Variants in EXOC6 observed in about 807,000 individuals in gnomAD.
EXOC6 encodes the protein SEC15-like 1.
EXOC6 carries 60 observed loss-of-function variants against 112.5 expected under a neutral mutation model. The observed-to-expected ratio is 0.53, with a 90% CI of 0.43 to 0.66. EXOC6 has a LOEUF of 0.66. Ranked by LOEUF, EXOC6 falls within the 30% of genes least tolerant of loss-of-function variation. The pLI, the probability that EXOC6 is intolerant of heterozygous loss-of-function variation, is 0.00. For missense variants in EXOC6, 855 were observed against 957.1 expected (o/e 0.89, Z 1.41); for synonymous variants, 295 against 308.0 (o/e 0.96, Z 0.44).
At chr10:92,868,804 C>T (rs1848302465) in intron 1 of EXOC6, among the ~76,000 whole-genome samples, 1 of 150,464 alleles carries the variant, frequency 6.6e-6, no homozygotes, top group South Asian at 2.1e-4. Flanking sequence ...TTCTTTCCTC[C>T]CTCCCTCCCT....
chr10:92,934,653 A>T (rs1224289369), intron 11 of EXOC6, among the ~76,000 whole-genome samples: 1 of 152,148 alleles, frequency 6.6e-6, no homozygotes, highest in East Asian at 1.9e-4. Context: ...CATTATAGAA[A>T]ATGAAGAATT....
At chr10:92,846,823 G>T (rs1413942189), upstream of EXOC6, among the ~76,000 whole-genome samples, 1 of 152,186 alleles carries the variant, frequency 6.6e-6, no homozygotes, top group East Asian at 1.9e-4. Context: ...TGTGATTAAG[G>T]TTAAGGACCC....
chr10:92,873,154 A>C (rs1848529012), intron 1 of EXOC6, among the ~76,000 whole-genome samples: 1 of 152,218 alleles, frequency 6.6e-6, no homozygotes, highest in Non-Finnish European at 1.5e-5. Flanking sequence ...CCAAATGCCC[A>C]AAAGTCAACA....
chr10:92,964,352 T>C (rs1266111362), intron 17 of EXOC6, among the ~76,000 whole-genome samples: 3 of 152,092 alleles, frequency 2.0e-5, no homozygotes, highest in Non-Finnish European at 1.5e-5. Context: ...ATTTGCTTTT[T>C]CCCTTCTGCA....
intron 9 of EXOC6, 136 bp from the exon 10 acceptor site, chr10:92,934,008 C>T (rs1227072861): frequency 3.8e-6 from 2 of 526,982 alleles, no homozygotes; most frequent in Non-Finnish European, 6.7e-6. Context: ...CAGATATATC[C>T]CTGGTACCTA....
rs1019060544 is a variant in EXOC6, at chr10:92,940,812, C to G, written c.1298C>G (p.Ala433Gly). The G allele has an allele frequency of 9.3e-6, 15 of 1,606,224 alleles. No homozygotes were observed. Among genetic ancestry groups the G allele is most frequent in the Non-Finnish European group, 1.1e-5 (13 of 1,176,406 alleles). ...QYNETLLKKW[A>G]GVFRDIFEED... ...AATGAAACACTGCTTAAGAAATGGGCTGGAGTTTTCAGGTTAGTCTAAGTC... is the reference window on the plus strand; with the variant it reads ...AATGAAACACTGCTTAAGAAATGGGGTGGAGTTTTCAGGTTAGTCTAAGTC... The change falls in exon 13 of 22, where the codon GCT becomes GGT. Residue 433 changes from alanine to glycine, a missense_variant. Physicochemically the swap from Ala to Gly is moderately conservative, Grantham distance 60. Coordinates refer to ENST00000260762, the MANE Select transcript of EXOC6 (RefSeq NM_019053.6).
chr10:92,847,466 A>G (rs138362475), upstream of EXOC6, among the ~76,000 whole-genome samples: 1 of 152,298 alleles, frequency 6.6e-6, no homozygotes, highest in East Asian at 1.9e-4. Flanking sequence ...AAAGCTCACT[A>G]AGGGTGAGTG....
intron 1 of EXOC6, among the ~76,000 whole-genome samples, chr10:92,835,151 G>A (rs1846624395): frequency 6.6e-6 from 1 of 152,116 alleles, no homozygotes; most frequent in Admixed American, 6.5e-5. Context: ...AAAACATTCA[G>A]AACAATTAGA....
intron 5 of EXOC6, among the ~76,000 whole-genome samples, chr10:92,904,479 G>A (rs1241636500): frequency 1.3e-5 from 2 of 151,870 alleles, no homozygotes; most frequent in Non-Finnish European, 2.9e-5. Context: ...TCATTTTTTC[G>A]GATTTTGCCT....
intron 18 of EXOC6, 65 bp from the exon 19 acceptor site, chr10:92,997,409 A>T: frequency 6.9e-7 from 1 of 1,449,768 alleles, no homozygotes; most frequent in Admixed American, 2.2e-5. Context: ...GATTTTTCTG[A>T]TTCTTTATGA....
chr10:93,029,969 C>T (rs576305029), intron 20 of EXOC6, among the ~76,000 whole-genome samples: 24 of 151,034 alleles, frequency 1.6e-4, no homozygotes, highest in African/African-American at 4.6e-4. Flanking sequence ...AGCGCAATGG[C>T]GCGATCTCGG....
At chr10:93,054,260 CAG>C (rs1052065770) in intron 20 of EXOC6, among the ~76,000 whole-genome samples, 14 of 152,164 alleles carry the variant, frequency 9.2e-5, no homozygotes, top group African/African-American at 3.4e-4. Context: ...GTACCTAGCA[CAG>C]TATCTAGCAC....
chr10:92,934,425 C>A lies in EXOC6; in HGVS notation c.1135C>A (p.His379Asn). ...LSKIIAVLRA[H>N]SSYCTDPDLV... ...AAAGATAATTGCTGTCCTTAGAGCTCATTCAGTAAGTCAGACAATTTACAT... is the reference window on the plus strand; with the variant it reads ...AAAGATAATTGCTGTCCTTAGAGCTAATTCAGTAAGTCAGACAATTTACAT... The change falls in exon 11 of 22, where the codon CAT becomes AAT. Residue 379 changes from histidine (H) to asparagine (N), a missense_variant. This residue lies in a region of EXOC6 where 450 missense variants were observed against 563.5 expected (regional missense o/e 0.80). Transcript: ENST00000260762. 6.4e-7 allele frequency: 1 copy of A among 1,563,956 alleles called. No homozygotes were observed. The highest frequency in any genetic ancestry group is 8.6e-7 in the Non-Finnish European group (1 of 1,160,100).
intron 5 of EXOC6, among the ~76,000 whole-genome samples, chr10:92,909,092 A>G (rs1850601206): frequency 6.6e-6 from 1 of 152,186 alleles, no homozygotes; most frequent in African/African-American, 2.4e-5. Context: ...TCATATAACA[A>G]ATCACTAGAT....
intron 20 of EXOC6, among the ~76,000 whole-genome samples, chr10:93,032,692 C>T (rs1845326520): frequency 6.6e-6 from 1 of 152,142 alleles, no homozygotes; most frequent in Admixed American, 6.6e-5. Flanking sequence ...AGGCAGGATC[C>T]CTCCTCTCAC....
chr10:92,848,193 CGTGTGGCACAGG>C (rs1847127014), upstream of EXOC6, among the ~76,000 whole-genome samples: 1 of 152,106 alleles, frequency 6.6e-6, no homozygotes, highest in African/African-American at 2.4e-5. Flanking sequence ...GGTACCCCCG[CGTGTGGCACAGG>C]GTGTGGCACA....
At chr10:92,905,742 G>A (rs965008751) in intron 5 of EXOC6, among the ~76,000 whole-genome samples, 11 of 152,004 alleles carry the variant, frequency 7.2e-5, no homozygotes, top group African/African-American at 2.2e-4. Flanking sequence ...AATTCGTTAA[G>A]GCATGTTTTG....
At chr10:93,027,904 C>T (rs1845097288) in intron 20 of EXOC6, among the ~76,000 whole-genome samples, 1 of 152,192 alleles carries the variant, frequency 6.6e-6, no homozygotes, top group Non-Finnish European at 1.5e-5. Flanking sequence ...TTTAAAAATA[C>T]ATTTTGAAAG....
chr10:92,958,601 A>T (rs1293710865), intron 17 of EXOC6, among the ~76,000 whole-genome samples: 3 of 152,208 alleles, frequency 2.0e-5, no homozygotes, highest in Admixed American at 1.3e-4. Context: ...GAGCAAGGAC[A>T]TGGTACATGT....
Sources: allele counts gnomAD v4.1 joint callset (sites outside exome capture counted in the v4.1 genomes callset), GRCh38; gene constraint gnomAD v4.1.1; regional missense constraint gnomAD v4.1.1; transcripts MANE v1.5; gene names NCBI Gene and HGNC (gene_info 2026-07-23, HGNC 2026-07-21).